AP3B1: variants seen among roughly 807,000 people sequenced by gnomAD.
The protein encoded by AP3B1 is adaptor related protein complex 3 subunit beta 1.
AP3B1 carries 61 observed loss-of-function variants against 132.5 expected under a neutral mutation model. That is an observed-to-expected ratio of 0.46 (90% CI 0.37 to 0.57). The LOEUF (loss-of-function observed/expected upper bound fraction) is 0.57, where lower values mean the gene tolerates loss of function less well. Among genes scored for constraint, AP3B1 ranks in the 20% least tolerant of loss-of-function variants. The pLI is 0.00. For synonymous variants in AP3B1, 388 were observed against 438.3 expected (o/e 0.89, Z 1.43); for missense variants, 1,120 against 1,289.4 (o/e 0.87, Z 2.01).
At chr5:78,081,579 G>T (rs1418121871) in intron 22 of AP3B1, among the ~76,000 whole-genome samples, 2 of 151,996 alleles carry the variant, frequency 1.3e-5, no homozygotes, top group Non-Finnish European at 2.9e-5. Context: ...TTACAGGCGT[G>T]AGCCACCGCA....
At chr5:78,102,303 G>A (rs1580349138) in intron 20 of AP3B1, among the ~76,000 whole-genome samples, 1 of 152,074 alleles carries the variant, frequency 6.6e-6, no homozygotes, top group Non-Finnish European at 1.5e-5. Flanking sequence ...AATTTCACTT[G>A]TTTTTTCCCT....
rs148798564 is a variant in AP3B1, at chr5:78,086,260, T to C, written c.2577+3133A>G. Among the ~76,000 whole-genome samples the C allele has an allele frequency of 2.3e-3, 356 of 152,310 alleles. 2 individuals carry two copies. The Middle Eastern group carries it at 0.024, about 10-fold the overall frequency. ...CTTAATAGTAAGAAGAAAACACAGT[T>C]TTCTTGGGTCACACTTCATTTCCTT... On this transcript the variant is annotated intron_variant, in intron 22 of 26. Transcript: ENST00000255194.
intron 2 of AP3B1, among the ~76,000 whole-genome samples, chr5:78,243,977 C>G (rs763417052): frequency 6.6e-6 from 1 of 152,082 alleles, no homozygotes; most frequent in African/African-American, 2.4e-5. Context: ...GAAAAATAGA[C>G]CAGAAGATAT....
chr5:78,170,968 C>T (rs757774793), intron 11 of AP3B1, among the ~76,000 whole-genome samples: 1 of 152,132 alleles, frequency 6.6e-6, no homozygotes, highest in East Asian at 1.9e-4. Flanking sequence ...CCAGTTTTCC[C>T]AGCACCATTT....
intron 26 of AP3B1, among the ~76,000 whole-genome samples, chr5:78,013,791 G>A (rs927956589): frequency 6.6e-6 from 1 of 152,210 alleles, no homozygotes; most frequent in East Asian, 1.9e-4. Context: ...TTTTTGTGGT[G>A]GTCTGTATCA....
chr5:78,081,452 C>G (rs1050521983), intron 22 of AP3B1, among the ~76,000 whole-genome samples: 1 of 151,730 alleles, frequency 6.6e-6, no homozygotes, highest in African/African-American at 2.4e-5. Context: ...GGACTACAGG[C>G]GCCCGCCACT....
At chr5:78,070,620 A>C (rs769103210) in intron 22 of AP3B1, among the ~76,000 whole-genome samples, 7 of 152,038 alleles carry the variant, frequency 4.6e-5, no homozygotes, top group Admixed American at 2.0e-4. Context: ...AGGGTGAACA[A>C]GCAACCTACA....
At chr5:78,050,206 C>G (rs750394563) in intron 22 of AP3B1, among the ~76,000 whole-genome samples, 73 of 152,122 alleles carry the variant, frequency 4.8e-4, no homozygotes, top group Non-Finnish European at 8.1e-4. Flanking sequence ...AAGGCTTAAC[C>G]CATTGGCATC....
chr5:78,057,720 A>G (rs1210156385), intron 22 of AP3B1, among the ~76,000 whole-genome samples: 3 of 152,186 alleles, frequency 2.0e-5, no homozygotes, highest in Admixed American at 6.5e-5. Context: ...CTTGTGATCT[A>G]CTATCATAAA....
chr5:78,108,116 A>T (rs1003767123), intron 20 of AP3B1, among the ~76,000 whole-genome samples: 1 of 152,226 alleles, frequency 6.6e-6, no homozygotes, highest in African/African-American at 2.4e-5. Context: ...TCGCATTTTC[A>T]TGCTCAGTGC....
At chr5:78,231,057 T>C (rs962034829) in intron 3 of AP3B1, among the ~76,000 whole-genome samples, 4 of 150,886 alleles carry the variant, frequency 2.7e-5, no homozygotes, top group African/African-American at 9.7e-5. Flanking sequence ...GAGGCAGAGG[T>C]TGCAGCAAGC....
At chr5:78,073,013 C>A (rs548702684) in intron 22 of AP3B1, among the ~76,000 whole-genome samples, 1 of 152,162 alleles carries the variant, frequency 6.6e-6, no homozygotes, top group Non-Finnish European at 1.5e-5. Flanking sequence ...AGCCACCACG[C>A]CCAGCCCACG....
intron 8 of AP3B1, 92 bp from the exon 9 acceptor site, chr5:78,177,528 C>T: frequency 2.1e-6 from 2 of 939,492 alleles, no homozygotes; most frequent in Non-Finnish European, 3.5e-6. Context: ...TCCTCTAAGT[C>T]CTACAAATTC....
At chr5:78,040,613 G>A (rs774523923) in intron 22 of AP3B1, among the ~76,000 whole-genome samples, 3 of 151,844 alleles carry the variant, frequency 2.0e-5, no homozygotes, top group Non-Finnish European at 2.9e-5. Flanking sequence ...CCATGTGATA[G>A]CTTTCTTTCC....
At chr5:78,008,968 C>T (rs1471110199) in intron 26 of AP3B1, among the ~76,000 whole-genome samples, 1 of 152,124 alleles carries the variant, frequency 6.6e-6, no homozygotes, top group African/African-American at 2.4e-5. Context: ...AGTGTCTTTG[C>T]CATTTGTGTT....
intron 13 of AP3B1, among the ~76,000 whole-genome samples, chr5:78,157,195 G>T (rs1170236127): frequency 6.6e-6 from 1 of 152,012 alleles, no homozygotes; most frequent in Non-Finnish European, 1.5e-5. Flanking sequence ...ACTCCTGCAG[G>T]GTCTGGTAAC....
At chr5:78,006,757 A>T (rs1212438990) in intron 26 of AP3B1, among the ~76,000 whole-genome samples, 1 of 152,192 alleles carries the variant, frequency 6.6e-6, no homozygotes, top group Admixed American at 6.5e-5. Flanking sequence ...TTTTCATTTC[A>T]TTCTATCACC....
intron 24 of AP3B1, among the ~76,000 whole-genome samples, chr5:78,025,867 G>GT (rs1201509690): frequency 1.3e-5 from 2 of 152,180 alleles, no homozygotes; most frequent in Admixed American, 6.5e-5. Context: ...AATATAACCA[G>GT]TACATAACTC....
At chr5:78,188,002 A>G (rs764906771) in intron 7 of AP3B1, among the ~76,000 whole-genome samples, 1 of 152,236 alleles carries the variant, frequency 6.6e-6, no homozygotes. Context: ...CTATTTAACA[A>G]GTGGTGCTGG....
Sources: allele counts gnomAD v4.1 joint callset (sites outside exome capture counted in the v4.1 genomes callset), GRCh38; gene constraint gnomAD v4.1.1; transcripts MANE v1.5; gene names NCBI Gene and HGNC (gene_info 2026-07-23, HGNC 2026-07-21).